The following CRY1 variants were observed in gnomAD, a reference collection of about 807,000 sequenced individuals.
CRY1 encodes the protein cryptochrome-1.
Under a neutral mutation model 76.0 loss-of-function variants are expected in CRY1, and 45 were observed. That is an observed-to-expected ratio of 0.59 (90% CI 0.47 to 0.76). The LOEUF (loss-of-function observed/expected upper bound fraction) is 0.76, where lower values mean the gene tolerates loss of function less well. Among genes scored for constraint, CRY1 ranks in the 30% least tolerant of loss-of-function variants. The pLI is 0.00. For missense variants in CRY1, 587 were observed against 716.4 expected (o/e 0.82, Z 2.06); for synonymous variants, 248 against 244.0 (o/e 1.02, Z -0.15).
At chr12:106,998,756 G>A (rs181762264) in intron 7 of CRY1, among the ~76,000 whole-genome samples, 241 of 151,196 alleles carry the variant, frequency 1.6e-3, no homozygotes, top group African/African-American at 5.3e-3. Context: ...AAAAATGTAC[G>A]TAATGGCCGG....
intron 1 of CRY1, among the ~76,000 whole-genome samples, chr12:107,071,926 A>G (rs1218556966): frequency 6.6e-6 from 1 of 152,220 alleles, no homozygotes; most frequent in Non-Finnish European, 1.5e-5. Flanking sequence ...ATGAAATAAA[A>G]AGTATGTCAA....
rs889995605 is a variant in CRY1 at position 107,081,243 on chromosome 12, A to T, written c.158+11561T>A. Among the ~76,000 whole-genome samples, 2 of 152,106 alleles carry T rather than the reference A, an allele frequency of 1.3e-5. 1 individual carries two copies. The highest frequency in any genetic ancestry group is 4.1e-4 in the South Asian group (2 of 4,828). On this transcript the variant is annotated intron_variant, in intron 1 of 12. Transcript: ENST00000008527. The stretch of plus-strand genomic sequence containing the variant: ...TTTAAATTCTAAAACAAATCTGTTC[A>T]TTGAGAATTTTTTTTAAGTTATGAG...
chr12:107,005,027 T>C, intron 3 of CRY1, 79 bp downstream of exon 3: 2 of 1,384,206 alleles, frequency 1.4e-6, no homozygotes, highest in Non-Finnish European at 9.9e-7. Context: ...ACCACCGAAC[T>C]ATATACTTAA....
At chr12:107,044,254 T>A (rs984602746) in intron 1 of CRY1, among the ~76,000 whole-genome samples, 5 of 152,158 alleles carry the variant, frequency 3.3e-5, no homozygotes, top group Non-Finnish European at 5.9e-5. Flanking sequence ...ATAAGAGGAA[T>A]CCCCTTGGCT....
intron 1 of CRY1, among the ~76,000 whole-genome samples, chr12:107,076,167 G>A (rs920745836): frequency 1.1e-4 from 16 of 151,828 alleles, no homozygotes; most frequent in African/African-American, 3.9e-4. Flanking sequence ...TGTGGATAAA[G>A]AAGTGAGCAA....
At chr12:107,088,848 C>G (rs1002409992) in intron 1 of CRY1, among the ~76,000 whole-genome samples, 1 of 152,168 alleles carries the variant, frequency 6.6e-6, no homozygotes, top group East Asian at 1.9e-4. Flanking sequence ...CCTTCTAGAA[C>G]AGTTTCATCA....
intron 1 of CRY1, among the ~76,000 whole-genome samples, chr12:107,070,260 A>G (rs929504055): frequency 6.6e-6 from 1 of 152,240 alleles, no homozygotes; most frequent in Non-Finnish European, 1.5e-5. Context: ...ATAATATGGT[A>G]AAGGTCTCAC....
At chr12:107,027,421 C>T (rs1340788209) in intron 1 of CRY1, among the ~76,000 whole-genome samples, 1 of 152,126 alleles carries the variant, frequency 6.6e-6, no homozygotes, top group African/African-American at 2.4e-5. Context: ...GTTATTACTG[C>T]TATTAACTAC....
At chr12:107,069,602 GTATATATATAAAAAGTA>G (rs1396498241) in intron 1 of CRY1, among the ~76,000 whole-genome samples, 6 of 40,058 alleles carry the variant, frequency 1.5e-4, no homozygotes, top group African/African-American at 2.9e-4. Flanking sequence ...TATATATAAA[GTATATATATAAAAAGTA>G]TATATATATA....
chr12:107,021,239 C>T (rs898413973), intron 2 of CRY1, among the ~76,000 whole-genome samples: 7 of 152,008 alleles, frequency 4.6e-5, no homozygotes, highest in East Asian at 1.9e-4. Flanking sequence ...GCTGAGATTG[C>T]GCCATTGCAC....
At chr12:107,060,424 T>G (rs116845892) in intron 1 of CRY1, among the ~76,000 whole-genome samples, 3,372 of 152,294 alleles carry the variant, frequency 0.022, 44 homozygotes, top group Middle Eastern at 0.037. Context: ...GAAGGTCCTA[T>G]CAAATGCCAG....
intron 1 of CRY1, among the ~76,000 whole-genome samples, chr12:107,063,547 T>G (rs1953074396): frequency 1.3e-5 from 2 of 152,218 alleles, no homozygotes; most frequent in South Asian, 4.1e-4. Flanking sequence ...CAGGGTAATC[T>G]AGGCCATGTG....
intron 1 of CRY1, among the ~76,000 whole-genome samples, chr12:107,084,579 C>T (rs1361212593): frequency 6.6e-6 from 1 of 152,116 alleles, no homozygotes; most frequent in Non-Finnish European, 1.5e-5. Context: ...GGAAAGGATT[C>T]CCTATTTAAT....
intron 3 of CRY1, among the ~76,000 whole-genome samples, chr12:107,003,359 C>T (rs1952333658): frequency 6.6e-6 from 1 of 152,056 alleles, no homozygotes; most frequent in Non-Finnish European, 1.5e-5. Context: ...AGCATTTGGC[C>T]TTAATAAAAA....
chr12:107,090,092 TTTTC>T (rs1360021720), intron 1 of CRY1, among the ~76,000 whole-genome samples: 8 of 150,774 alleles, frequency 5.3e-5, no homozygotes, highest in Non-Finnish European at 1.2e-4. Context: ...TTTTTTTTCT[TTTTC>T]TTTTTTTTTT....
intron 3 of CRY1, 103 bp downstream of exon 3, chr12:107,005,003 T>A: frequency 9.8e-7 from 1 of 1,016,600 alleles, no homozygotes. Flanking sequence ...TAAAAACTTA[T>A]CTATGTAGTT....
chr12:107,073,959 C>T (rs1304951509), intron 1 of CRY1, among the ~76,000 whole-genome samples: 6 of 152,160 alleles, frequency 3.9e-5, no homozygotes, highest in Admixed American at 3.9e-4. Context: ...AACTTTGATA[C>T]ACCTAAAATT....
chr12:107,031,453 C>CT (rs1486765358), intron 1 of CRY1, among the ~76,000 whole-genome samples: 1 of 148,072 alleles, frequency 6.8e-6, no homozygotes, highest in African/African-American at 2.5e-5. Flanking sequence ...TACAAAGAAA[C>CT]TTATCTGTCT....
At position 107,085,579 on chromosome 12, in the gene CRY1, C is replaced by T. The variant is rs1280148975; in HGVS notation, c.158+7225G>A. The stretch of plus-strand genomic sequence containing the variant: ...AACATAGGAACAGAAAACCAAACAT[C>T]GCATGTTCTCCATAAGTAGGAGTTG... On this transcript the variant is annotated intron_variant, in intron 1 of 12. Coordinates refer to ENST00000008527, the MANE Select transcript of CRY1 (RefSeq NM_004075.5). Among the ~76,000 whole-genome samples the T allele has an allele frequency of 5.9e-5, 9 of 152,098 alleles. No individual in the cohort carries two copies. In the South Asian group the frequency reaches 8.3e-4, roughly 14 times the overall value.
Sources: gnomAD v4.1 joint callset for allele counts (sites outside exome capture counted in the v4.1 genomes callset) on GRCh38, gnomAD v4.1.1 for gene constraint, MANE v1.5 for transcripts, NCBI Gene and HGNC (gene_info 2026-07-23, HGNC 2026-07-21) for gene names.